MATN2: variants seen among roughly 807,000 people sequenced by gnomAD.
MATN2 encodes matrilin 2.
MATN2 carries 69 observed loss-of-function variants against 103.2 expected under a neutral mutation model. The observed-to-expected ratio is 0.67, with a 90% CI of 0.55 to 0.82. MATN2 has a LOEUF of 0.82. Ranked by LOEUF, MATN2 falls within the 40% of genes least tolerant of loss-of-function variation. MATN2 has a pLI of 0.00. For synonymous variants in MATN2, 429 were observed against 450.2 expected, an observed-to-expected ratio of 0.95 and a Z score of 0.60; for missense variants, 1,023 against 1,211.5, an observed-to-expected ratio of 0.84 and a Z score of 2.31.
chr8:97,983,193 T>C (rs1812082905), intron 6 of MATN2, among the ~76,000 whole-genome samples: 1 of 152,244 alleles, frequency 6.6e-6, no homozygotes, highest in Non-Finnish European at 1.5e-5. Flanking sequence ...GGTTTATCTG[T>C]GTTGTAGTAT....
At chr8:97,932,689 G>A (rs957345211) in intron 3 of MATN2, among the ~76,000 whole-genome samples, 2 of 152,004 alleles carry the variant, frequency 1.3e-5, no homozygotes, top group Non-Finnish European at 2.9e-5. Flanking sequence ...TTCCTCCTCC[G>A]GGAGGGCAGG....
intron 1 of MATN2, among the ~76,000 whole-genome samples, chr8:97,884,793 A>G (rs1818372607): frequency 6.6e-6 from 1 of 152,098 alleles, no homozygotes; most frequent in African/African-American, 2.4e-5. Context: ...AACAACAACA[A>G]CAACACGGAA....
chr8:97,977,104 C>T (rs557773556), intron 5 of MATN2, among the ~76,000 whole-genome samples: 30 of 151,856 alleles, frequency 2.0e-4, no homozygotes, highest in African/African-American at 5.3e-4. Flanking sequence ...GATGTGGTGG[C>T]GCACACCTGT....
In MATN2 at chr8:98,007,208, G is replaced by A. The variant is rs776291566; in HGVS notation, c.1431G>A (p.Glu477=). The part of the protein sequence containing the change: ...CQCSEGFLIN[E]DLKTCSRVDY... ...GCTCAGAAGGCTTCCTCATCAACGA[G>A]GACCTCAAGACCTGCTCCCGTGAGT... The change falls in exon 9 of 19, where the codon GAG becomes GAA. Residue 477 remains glutamate (E), a synonymous_variant. Coordinates refer to ENST00000254898, the MANE Select transcript of MATN2 (RefSeq NM_002380.5). This position sits in a 1 kb window ranked among gnomAD's most constrained non-coding sequence, Gnocchi z 4.2. 2 of 1,613,948 alleles carry A rather than the reference G, an allele frequency of 1.2e-6. No homozygotes were observed. Among genetic ancestry groups the A allele is most frequent in the East Asian group, 2.2e-5 (1 of 44,880 alleles).
intron 3 of MATN2, among the ~76,000 whole-genome samples, chr8:97,935,876 G>C (rs539833335): frequency 1.3e-5 from 2 of 152,208 alleles, no homozygotes; most frequent in Non-Finnish European, 2.9e-5. Context: ...GACAGGTTCT[G>C]TCTGGGTGTG....
At position 97,889,646 on chromosome 8, in the gene MATN2, G is replaced by A. The variant is rs554784789; in HGVS notation, c.142+1404G>A. 5.3e-5 allele frequency among the ~76,000 whole-genome samples: 8 copies of A among 151,918 alleles called. No individual in the cohort carries two copies. The South Asian group carries it at 1.7e-3, about 32-fold the overall frequency. On this transcript the variant is annotated intron_variant, in intron 2 of 18. Coordinates refer to ENST00000254898, the MANE Select transcript of MATN2 (RefSeq NM_002380.5). The stretch of plus-strand genomic sequence containing the variant: ...TTTAGTAGAGATGGGGTTTTGCCAT[G>A]TTGGCCAGGCTGGTCTCAAACTCTT...
At chr8:97,937,985 G>T (rs535329605) in intron 3 of MATN2, among the ~76,000 whole-genome samples, 3 of 152,056 alleles carry the variant, frequency 2.0e-5, no homozygotes, top group Non-Finnish European at 4.4e-5. Context: ...GTCTATTTCC[G>T]GTAGCCATCC....
At chr8:97,961,371 C>T (rs755279596) in intron 4 of MATN2, 37 bp from the exon 5 acceptor site, 10 of 1,573,244 alleles carry the variant, frequency 6.4e-6, no homozygotes, top group Non-Finnish European at 7.8e-6. Context: ...CTCAGGTGTG[C>T]CTGACGTTGT....
At chr8:98,006,213 T>G (rs1737745835) in intron 8 of MATN2, among the ~76,000 whole-genome samples, 1 of 152,214 alleles carries the variant, frequency 6.6e-6, no homozygotes, top group Admixed American at 6.5e-5. Flanking sequence ...TTTGGTTTGT[T>G]TTTTAATCTG....
At chr8:98,016,717 C>T (rs1422212345) in intron 11 of MATN2, 55 bp downstream of exon 11, 24 of 1,582,986 alleles carry the variant, frequency 1.5e-5, no homozygotes, top group South Asian at 2.3e-5. Flanking sequence ...TGTGTGAAAT[C>T]GCTATCCTTA....
intron 5 of MATN2, among the ~76,000 whole-genome samples, chr8:97,976,116 T>A (rs1182853647): frequency 4.0e-5 from 6 of 151,128 alleles, no homozygotes; most frequent in Non-Finnish European, 7.4e-5. Flanking sequence ...AAAAACAATA[T>A]TTAGACTGAA....
chr8:98,035,253 A>G (rs11990341), intron 18 of MATN2, among the ~76,000 whole-genome samples: 24,973 of 152,062 alleles, frequency 0.16, 2,133 homozygotes, highest in African/African-American at 0.21. Flanking sequence ...GCTACTCGGG[A>G]GGCTGAGGCA....
At chr8:97,891,416 C>A (rs1437607124) in intron 2 of MATN2, among the ~76,000 whole-genome samples, 1 of 152,166 alleles carries the variant, frequency 6.6e-6, no homozygotes, top group African/African-American at 2.4e-5. Context: ...TGGCTCGCTG[C>A]AGCCTTGACC....
chr8:97,943,997 C>A (rs1783772702), intron 4 of MATN2, among the ~76,000 whole-genome samples: 1 of 152,208 alleles, frequency 6.6e-6, no homozygotes, highest in South Asian at 2.1e-4. Context: ...TGATGTCCCC[C>A]AGATCTCAAG....
intron 1 of MATN2, among the ~76,000 whole-genome samples, chr8:97,877,184 A>AT (rs1563639540): frequency 6.6e-6 from 1 of 151,812 alleles, no homozygotes; most frequent in African/African-American, 2.4e-5. Context: ...TTTAAAAAAA[A>AT]TTTTTTGGGG....
intron 10 of MATN2, among the ~76,000 whole-genome samples, chr8:98,014,838 G>T (rs1231019608): frequency 6.6e-6 from 1 of 152,010 alleles, no homozygotes; most frequent in African/African-American, 2.4e-5. Flanking sequence ...AAAAGTGTGT[G>T]GTTTGTGCCT....
intron 5 of MATN2, among the ~76,000 whole-genome samples, chr8:97,964,847 C>T (rs541795396): frequency 1.1e-3 from 160 of 152,288 alleles, no homozygotes; most frequent in Non-Finnish European, 2.0e-3. Context: ...GATCCTCCCA[C>T]CTCAGACTCC....
chr8:97,911,034 G>T (rs1250451569), intron 2 of MATN2, among the ~76,000 whole-genome samples: 1 of 152,098 alleles, frequency 6.6e-6, no homozygotes, highest in African/African-American at 2.4e-5. Flanking sequence ...TCTTGCCCAT[G>T]CTGGAGTGCA....
At chr8:97,935,880 G>C (rs986656997) in intron 3 of MATN2, among the ~76,000 whole-genome samples, 1 of 152,192 alleles carries the variant, frequency 6.6e-6, no homozygotes, top group Non-Finnish European at 1.5e-5. Context: ...GGTTCTGTCT[G>C]GGTGTGATCA....
Sources: allele counts gnomAD v4.1 joint callset (sites outside exome capture counted in the v4.1 genomes callset), GRCh38; gene constraint gnomAD v4.1.1; non-coding constraint Gnocchi (gnomAD v3.1); transcripts MANE v1.5; gene names NCBI Gene and HGNC (gene_info 2026-07-23, HGNC 2026-07-21).